Variants in UBE2B observed in about 807,000 individuals in gnomAD.
The protein encoded by UBE2B is ubiquitin conjugating enzyme E2 B.
Under a neutral mutation model 24.6 loss-of-function variants are expected in UBE2B, and 11 were observed. The observed-to-expected ratio is 0.45, with a 90% CI of 0.28 to 0.74. UBE2B has a LOEUF of 0.74. UBE2B is among the 30% of genes least tolerant of loss of function. The probability of loss-of-function intolerance (pLI) is 0.13; values close to 1 mark genes in which losing one functional copy is unlikely to be tolerated. For missense variants in UBE2B, 78 were observed against 185.6 expected, an observed-to-expected ratio of 0.42 and a Z score of 3.37; for synonymous variants, 68 against 62.4, an observed-to-expected ratio of 1.09 and a Z score of -0.42.
chr5:134,381,316 TAC>T (rs1476621514), intron 4 of UBE2B, among the ~76,000 whole-genome samples: 2 of 152,138 alleles, frequency 1.3e-5, no homozygotes, highest in African/African-American at 4.8e-5. Context: ...AGTGCAGTGG[TAC>T]AGTCACAGTT....
Position 134,390,158 on chromosome 5 carries a change from C to T in UBE2B, c.331-67C>T, listed in dbSNP as rs531766585. ...TGTATAACTTTTCTGTAATATATTC[C>T]ATATCTGACCCCTGTTGGTATAAAG... is the stretch of plus-strand genomic sequence containing the variant. On this transcript the variant is annotated intron_variant, in intron 5 of 5. Coordinates refer to ENST00000265339, the MANE Select transcript of UBE2B (RefSeq NM_003337.4). This position sits in a 1 kb window ranked among gnomAD's most constrained non-coding sequence, Gnocchi z 4.6. The T allele has an allele frequency of 6.3e-7, 1 of 1,585,218 alleles. No homozygotes were observed. The highest frequency in any genetic ancestry group is 1.1e-5 in the South Asian group (1 of 90,014).
chr5:134,388,943 A>AT, intron 5 of UBE2B: 12 of 234,318 alleles, frequency 5.1e-5, no homozygotes, highest in East Asian at 1.4e-4. Flanking sequence ...CACTTCTTTA[A>AT]TTGTTTTTTT....
At chr5:134,374,327 G>A in intron 1 of UBE2B, 56 bp from the exon 2 acceptor site, 2 of 1,494,452 alleles carry the variant, frequency 1.3e-6, no homozygotes, top group Non-Finnish European at 1.8e-6. Flanking sequence ...GTGTTTACGT[G>A]GCCTCCTTAG....
At chr5:134,382,827 G>A (rs1364025215) in intron 4 of UBE2B, among the ~76,000 whole-genome samples, 1 of 151,450 alleles carries the variant, frequency 6.6e-6, no homozygotes, top group Non-Finnish European at 1.5e-5. Flanking sequence ...GTTTTTTTTG[G>A]TTTGTTTGTT....
intron 3 of UBE2B, among the ~76,000 whole-genome samples, chr5:134,379,656 A>T (rs1400318363): frequency 6.6e-6 from 1 of 151,694 alleles, no homozygotes; most frequent in Non-Finnish European, 1.5e-5. Flanking sequence ...CAAAAAAAAA[A>T]AAAAAAAAGG....
At chr5:134,388,589 G>T (rs903679695) in intron 5 of UBE2B, among the ~76,000 whole-genome samples, 176 bp downstream of exon 5, 3 of 152,148 alleles carry the variant, frequency 2.0e-5, no homozygotes. Flanking sequence ...TCCTGATTGT[G>T]TAAGTTACAT....
intron 4 of UBE2B, among the ~76,000 whole-genome samples, chr5:134,382,485 G>C (rs1396237288): frequency 6.6e-6 from 1 of 151,946 alleles, no homozygotes; most frequent in African/African-American, 2.4e-5. Context: ...CAAAGTTGGA[G>C]TCAATGACCA....
intron 4 of UBE2B, among the ~76,000 whole-genome samples, chr5:134,383,576 G>A (rs1019103575): frequency 6.2e-5 from 9 of 145,010 alleles, no homozygotes; most frequent in Admixed American, 5.1e-4. Flanking sequence ...TCTGCCTGTT[G>A]GGTTCAAGTG....
At chr5:134,389,551 CTT>C (rs985767264) in intron 5 of UBE2B, among the ~76,000 whole-genome samples, 10 of 139,412 alleles carry the variant, frequency 7.2e-5, no homozygotes, top group Admixed American at 1.4e-4. Context: ...TTTCTTTTTT[CTT>C]TTTTTTTTTT....
Position 134,390,609 on chromosome 5 carries a change from G to C in UBE2B, c.*256G>C. 2.6e-6 allele frequency: 1 copy of C among 391,162 alleles called. No individual in the cohort carries two copies. The highest frequency in any genetic ancestry group is 4.7e-6 in the Non-Finnish European group (1 of 212,908). 24.2% of individuals were successfully genotyped at this position (391,162 alleles called of 1,614,324 possible). ...ATTTTTTTCCAAGTGTATAATGTTG[G>C]TGTGGAGTTTTCATGACAGAATATA... On this transcript the variant is annotated 3_prime_UTR_variant, in exon 6 of 6. Coordinates refer to ENST00000265339, the MANE Select transcript of UBE2B (RefSeq NM_003337.4). The surrounding 1 kb of genome is among the most constrained non-coding windows in gnomAD (Gnocchi z 4.6).
At chr5:134,376,362 T>TATATATATATATATATATATATATAC (rs1183340869) in intron 2 of UBE2B, among the ~76,000 whole-genome samples, 1 of 89,474 alleles carries the variant, frequency 1.1e-5, no homozygotes, top group East Asian at 3.5e-4. Context: ...TATATATATA[T>TATATATATATATATATATATATATAC]ATACACATAT....
intron 3 of UBE2B, 49 bp from the exon 4 acceptor site, chr5:134,380,670 T>C: frequency 1.8e-6 from 2 of 1,114,406 alleles, no homozygotes; most frequent in Middle Eastern, 2.3e-4. Flanking sequence ...GATGAAGAGA[T>C]TAAAAAGTCG....
At chr5:134,374,337 G>A (rs1758561618) in intron 1 of UBE2B, 46 bp from the exon 2 acceptor site, 1 of 1,540,688 alleles carries the variant, frequency 6.5e-7, no homozygotes, top group Non-Finnish European at 8.8e-7. Context: ...GGCCTCCTTA[G>A]TGGCCTTAAT....
rs1260706874 is a variant in UBE2B, at chr5:134,390,048, C to T, written c.331-177C>T. The T allele has an allele frequency of 1.4e-6, 1 of 692,126 alleles. No individual in the cohort carries two copies. Among genetic ancestry groups the T allele is most frequent in the East Asian group, 3.0e-5 (1 of 33,546 alleles). The allele number at this position is 692,126 out of a possible 1,614,324, so 42.9% of individuals were successfully genotyped here. ...GCTTAAGTTCCTTAGCAGCAGGAAA[C>T]CCCATAGTATTTATCAAATCATTTC... On this transcript the variant is annotated intron_variant, in intron 5 of 5. Coordinates refer to ENST00000265339, the MANE Select transcript of UBE2B (RefSeq NM_003337.4). This position sits in a 1 kb window ranked among gnomAD's most constrained non-coding sequence, Gnocchi z 4.6.
chr5:134,383,220 A>G (rs1183296660), intron 4 of UBE2B, among the ~76,000 whole-genome samples: 1 of 152,188 alleles, frequency 6.6e-6, no homozygotes, highest in Non-Finnish European at 1.5e-5. Context: ...TGTTACATAG[A>G]TTTATCATAT....
chr5:134,379,457 C>A (rs941684468), intron 3 of UBE2B, among the ~76,000 whole-genome samples: 3 of 151,906 alleles, frequency 2.0e-5, no homozygotes, highest in Non-Finnish European at 4.4e-5. Flanking sequence ...ACCAGCCTGG[C>A]CAACATGGTG....
chr5:134,388,891 A>G (rs1325374692), intron 5 of UBE2B: 4 of 337,218 alleles, frequency 1.2e-5, no homozygotes, highest in Non-Finnish European at 2.2e-5. Context: ...AGCAGAAATA[A>G]TATGTTGGTT....
At chr5:134,373,412 T>G (rs745753255) in intron 1 of UBE2B, among the ~76,000 whole-genome samples, 1 of 152,130 alleles carries the variant, frequency 6.6e-6, no homozygotes, top group Non-Finnish European at 1.5e-5. Context: ...TGTAAAAATA[T>G]TACTTGCTTT....
At chr5:134,387,535 A>AAT (rs1758827104) in intron 4 of UBE2B, among the ~76,000 whole-genome samples, 1 of 152,174 alleles carries the variant, frequency 6.6e-6, no homozygotes, top group Non-Finnish European at 1.5e-5. Context: ...TAAATTTGTA[A>AAT]ATAATAGTAG....
Sources: gnomAD v4.1 joint callset for allele counts (sites outside exome capture counted in the v4.1 genomes callset) on GRCh38, gnomAD v4.1.1 for gene constraint, Gnocchi (gnomAD v3.1) non-coding constraint, MANE v1.5 for transcripts, NCBI Gene and HGNC (gene_info 2026-07-23, HGNC 2026-07-21) for gene names.